COL6A6: variants seen among roughly 807,000 people sequenced by gnomAD.
COL6A6 encodes the protein collagen type VI alpha 6 chain, also known as collagen alpha-6(VI) chain.
In COL6A6, 183 loss-of-function variants were observed where a neutral mutation model predicts 208.6. That is an observed-to-expected ratio of 0.88 (90% CI 0.78 to 0.99). COL6A6 has a LOEUF of 0.99. Ranked by LOEUF, COL6A6 falls within the 50% of genes least tolerant of loss-of-function variation. COL6A6 has a pLI of 0.00. For synonymous variants in COL6A6, 973 were observed against 1,011.8 expected, an observed-to-expected ratio of 0.96 and a Z score of 0.73; for missense variants, 2,816 against 2,815.2, an observed-to-expected ratio of 1.00 and a Z score of -0.01.
chr3:130,557,326 G>A (rs2107832311), intron 1 of COL6A6, among the ~76,000 whole-genome samples: 1 of 152,308 alleles, frequency 6.6e-6, no homozygotes, highest in East Asian at 1.9e-4. Context: ...TACCACAAGT[G>A]CTTTTGTTTT....
chr3:130,527,329 G>A (rs905484509), intron 1 of COL6A6, among the ~76,000 whole-genome samples: 4 of 152,164 alleles, frequency 2.6e-5, no homozygotes, highest in Non-Finnish European at 5.9e-5. Context: ...TTATGCTTAG[G>A]ACCCAAAAGA....
chr3:130,551,699 G>A (rs1252578167), intron 1 of COL6A6, among the ~76,000 whole-genome samples: 1 of 147,340 alleles, frequency 6.8e-6, no homozygotes, highest in Non-Finnish European at 1.5e-5. Flanking sequence ...TCTTCTGCTA[G>A]CTTTGGGTTC....
At chr3:130,623,835 A>C (rs1306789861) in intron 24 of COL6A6, among the ~76,000 whole-genome samples, 1 of 152,188 alleles carries the variant, frequency 6.6e-6, no homozygotes, top group Non-Finnish European at 1.5e-5. Flanking sequence ...AAGAGGAAAC[A>C]AGACAATGAA....
chr3:130,533,589 C>T (rs1451800672), intron 1 of COL6A6, among the ~76,000 whole-genome samples: 5 of 152,164 alleles, frequency 3.3e-5, no homozygotes, highest in Non-Finnish European at 7.3e-5. Flanking sequence ...ATATTACAGA[C>T]AAGTTAGAAA....
At chr3:130,523,783 T>G (rs1711221252) in intron 1 of COL6A6, among the ~76,000 whole-genome samples, 1 of 152,088 alleles carries the variant, frequency 6.6e-6, no homozygotes, top group African/African-American at 2.4e-5. Context: ...AGCTAAAAGG[T>G]CTTTTAAAAC....
At chr3:130,541,698 T>G (rs1030234634) in intron 1 of COL6A6, among the ~76,000 whole-genome samples, 4 of 152,230 alleles carry the variant, frequency 2.6e-5, no homozygotes, top group African/African-American at 4.8e-5. Context: ...TGATGACATA[T>G]AGTGTATTCC....
chr3:130,533,253 TAA>T (rs59750509), intron 1 of COL6A6, among the ~76,000 whole-genome samples: 87,710 of 129,324 alleles, frequency 0.68, 31,740 homozygotes, highest in Non-Finnish European at 0.82. Flanking sequence ...TCCCAGGAAT[TAA>T]AAAAAAAAAA....
chr3:130,536,962 T>C (rs1354054667), intron 1 of COL6A6, among the ~76,000 whole-genome samples: 2 of 152,202 alleles, frequency 1.3e-5, no homozygotes, highest in African/African-American at 4.8e-5. Context: ...AATGGCTGGA[T>C]CTGAGATCTA....
chr3:130,610,705 T>TC lies in COL6A6; in HGVS notation c.4813dup (p.Gln1605ProfsTer22). 3.8e-6 allele frequency: 6 copies of TC among 1,582,816 alleles called. No individual in the cohort carries two copies. In the South Asian group the frequency reaches 7.0e-5, roughly 18 times the overall value. ...AAAAAGGAGGTGTGGGAAGTAAAGGTCCCCAGGTATGTAATGAGAAAAATG... is the reference window on the plus strand; with the variant it reads ...AAAAAGGAGGTGTGGGAAGTAAAGGTCCCCCAGGTATGTAATGAGAAAAATG... On this transcript the variant is annotated frameshift_variant, in exon 23 of 37. Transcript: ENST00000358511. LOFTEE classifies it high-confidence loss of function.
chr3:130,654,094 A>G (rs935965806), intron 33 of COL6A6, among the ~76,000 whole-genome samples: 2 of 152,226 alleles, frequency 1.3e-5, no homozygotes, highest in African/African-American at 2.4e-5. Flanking sequence ...ACTGCTCTAA[A>G]TTAAGTTAGA....
intron 17 of COL6A6, 92 bp downstream of exon 17, chr3:130,593,344 A>C: frequency 2.0e-6 from 2 of 1,007,700 alleles, no homozygotes; most frequent in South Asian, 2.7e-5. Context: ...ATTGCTACAA[A>C]ACTGTTTTGT....
chr3:130,567,325 T>A (rs1237143247), intron 5 of COL6A6, 63 bp downstream of exon 5: 5 of 1,247,266 alleles, frequency 4.0e-6, no homozygotes. Flanking sequence ...TGGCAATAAT[T>A]GACATTGCTG....
rs1287521324 is a variant in COL6A6 at position 130,662,270 on chromosome 3, G to A, written c.6464G>A (p.Gly2155Asp). The change falls in exon 35 of 37, where the codon GGT (glycine) becomes GAT (aspartate). Residue 2155 changes from glycine (G) to aspartate (D), a missense_variant. By Grantham distance (94) the Gly-to-Asp change is moderately conservative (BLOSUM62 -1). Coordinates refer to ENST00000358511, the MANE Select transcript of COL6A6 (RefSeq NM_001102608.3). ...GRIHKPDHSY[G>D]VKFVKSFINS... ...ATTCATAAACCTGACCACAGTTATG[G>A]TGTGAAGTTTGTGAAGTCCTTTATA... The A allele has an allele frequency of 4.3e-6, 7 of 1,613,872 alleles. No individual in the cohort carries two copies. The highest frequency in any genetic ancestry group is 5.9e-6 in the Non-Finnish European group (7 of 1,179,838).
chr3:130,522,875 G>A (rs1038200666), intron 1 of COL6A6, among the ~76,000 whole-genome samples: 3 of 150,168 alleles, frequency 2.0e-5, no homozygotes, highest in African/African-American at 7.4e-5. Context: ...CCAAAACACC[G>A]TCATCTATTT....
In COL6A6 at chr3:130,658,751, C is replaced by T. The variant is rs367633692; in HGVS notation, c.5809C>T (p.Gln1937Ter). 14 of 1,612,108 alleles carry T rather than the reference C, an allele frequency of 8.7e-6. No homozygotes were observed. The African/African-American group carries it at 1.9e-4, about 22-fold the overall frequency. Residue 1937 changes from glutamine (Q) to a stop codon, truncating the protein, a stop_gained, in exon 34 of 37, where the codon CAG becomes TAG. Coordinates refer to ENST00000358511, the MANE Select transcript of COL6A6 (RefSeq NM_001102608.3). LOFTEE classifies it high-confidence loss of function. ...ADYIPALERL[Q>*]RCTFCYDVCK... ...CTACATACCAGCATTAGAGAGACTC[C>T]AGCGGTGCACTTTCTGCTATGGTAA...
At chr3:130,566,247 G>C (rs1435080236) in intron 4 of COL6A6, among the ~76,000 whole-genome samples, 1 of 152,150 alleles carries the variant, frequency 6.6e-6, no homozygotes, top group African/African-American at 2.4e-5. Flanking sequence ...TCTCACTCAT[G>C]AATAGTAGCC....
chr3:130,557,439 TTTTC>T (rs1275882938), intron 1 of COL6A6, among the ~76,000 whole-genome samples: 1 of 152,178 alleles, frequency 6.6e-6, no homozygotes, highest in African/African-American at 2.4e-5. Context: ...CTCTGAATAT[TTTTC>T]TTTTTACTTT....
At chr3:130,548,550 C>T (rs2062572021) in intron 1 of COL6A6, among the ~76,000 whole-genome samples, 1 of 152,206 alleles carries the variant, frequency 6.6e-6, no homozygotes, top group African/African-American at 2.4e-5. Context: ...ACTACTTTCC[C>T]CTGAGGGCAG....
intron 19 of COL6A6, 57 bp downstream of exon 19, chr3:130,598,487 T>A (rs2063912135): frequency 1.7e-6 from 2 of 1,203,056 alleles, no homozygotes; most frequent in South Asian, 2.7e-5. Context: ...TAAGTTCTTG[T>A]TGGTAGAATG....
Sources: allele counts gnomAD v4.1 joint callset (sites outside exome capture counted in the v4.1 genomes callset), GRCh38; gene constraint gnomAD v4.1.1; transcripts MANE v1.5; gene names NCBI Gene and HGNC (gene_info 2026-07-23, HGNC 2026-07-21).